Variants in CNOT4 observed in about 807,000 individuals in gnomAD.
CNOT4 encodes the protein CCR4-associated factor 4.
In CNOT4, 8 loss-of-function variants were observed where a neutral mutation model predicts 73.8. The observed-to-expected ratio is 0.11, with a 90% CI of 0.06 to 0.20. The LOEUF (loss-of-function observed/expected upper bound fraction) is 0.20, where lower values mean the gene tolerates loss of function less well. Among genes scored for constraint, CNOT4 ranks in the 10% least tolerant of loss-of-function variants. The pLI is 1.00. For synonymous variants in CNOT4, 293 were observed against 321.1 expected (o/e 0.91, Z 0.94); for missense variants, 564 against 883.4 (o/e 0.64, Z 4.58).
chr7:135,419,888 CAA>C (rs58628282), intron 3 of CNOT4, among the ~76,000 whole-genome samples: 3 of 134,400 alleles, frequency 2.2e-5, no homozygotes, highest in African/African-American at 2.7e-5. Context: ...ACTAAAAATC[CAA>C]AAAAAAAAAA....
At chr7:135,486,999 T>C (rs926022770) in intron 1 of CNOT4, among the ~76,000 whole-genome samples, 3 of 152,158 alleles carry the variant, frequency 2.0e-5, no homozygotes, top group African/African-American at 7.2e-5. Flanking sequence ...AAGATTATCC[T>C]TCCATTAAGC....
rs777294687 is a variant in CNOT4, at chr7:135,379,592, G to GTA, written c.1627+14324_1627+14325dup. Among the ~76,000 whole-genome samples the GTA allele has an allele frequency of 4.2e-4, 64 of 151,984 alleles. 2 individuals carry two copies. In the Middle Eastern group the frequency reaches 0.02, roughly 48 times the overall value. On this transcript the variant is annotated intron_variant, in intron 10 of 11. Transcript: ENST00000541284. ...TATGTGTATATATATATGTGTGTGT[G>GTA]TATATATATATCAGCCATCCATAAT...
intron 1 of CNOT4, among the ~76,000 whole-genome samples, chr7:135,454,459 G>T (rs1323832488): frequency 2.0e-5 from 3 of 151,680 alleles, no homozygotes; most frequent in Non-Finnish European, 4.4e-5. Context: ...TTAAAGACCA[G>T]CCTGGGCAAT....
chr7:135,474,707 C>T (rs1249918568), intron 1 of CNOT4, among the ~76,000 whole-genome samples: 1 of 152,054 alleles, frequency 6.6e-6, no homozygotes, highest in Admixed American at 6.6e-5. Flanking sequence ...AATTTCTATA[C>T]AAAATAACTG....
At chr7:135,422,077 G>T in intron 3 of CNOT4, 79 bp downstream of exon 3, 1 of 814,438 alleles carries the variant, frequency 1.2e-6, no homozygotes, top group South Asian at 1.5e-5. Context: ...TCACACAATT[G>T]AGCAGGGTCA....
At chr7:135,493,930 T>C (rs765689987) in intron 1 of CNOT4, among the ~76,000 whole-genome samples, 7 of 152,110 alleles carry the variant, frequency 4.6e-5, no homozygotes, top group Non-Finnish European at 2.9e-5. Flanking sequence ...TAATAAGCGC[T>C]CACGGATAGG....
chr7:135,398,015 G>A (rs1351518531), intron 8 of CNOT4, among the ~76,000 whole-genome samples, 154 bp downstream of exon 8: 2 of 151,960 alleles, frequency 1.3e-5, no homozygotes, highest in African/African-American at 4.8e-5. Context: ...TATTCTGGGG[G>A]GAAAAGGCTA....
chr7:135,463,316 T>G (rs1800991444), intron 1 of CNOT4, among the ~76,000 whole-genome samples: 1 of 152,074 alleles, frequency 6.6e-6, no homozygotes. Context: ...GGCGAGTAGA[T>G]CACCTGAGGT....
chr7:135,501,006 CAG>C (rs1398152638), intron 1 of CNOT4, among the ~76,000 whole-genome samples: 1 of 128,956 alleles, frequency 7.8e-6, no homozygotes, highest in African/African-American at 3.0e-5. Context: ...TTTTTGGAGA[CAG>C]AGTTTCATTC....
intron 1 of CNOT4, among the ~76,000 whole-genome samples, chr7:135,491,347 T>C (rs1314073885): frequency 6.6e-6 from 1 of 152,128 alleles, no homozygotes; most frequent in Non-Finnish European, 1.5e-5. Context: ...ATTCCAATGT[T>C]TAGAGGTAGG....
At chr7:135,375,239 T>A (rs1214475208) in intron 10 of CNOT4, among the ~76,000 whole-genome samples, 2 of 152,172 alleles carry the variant, frequency 1.3e-5, no homozygotes, top group Non-Finnish European at 2.9e-5. Context: ...GTAAAGAGAA[T>A]TAAACTGAGA....
chr7:135,443,206 A>T (rs75493378), intron 1 of CNOT4, among the ~76,000 whole-genome samples: 1 of 141,178 alleles, frequency 7.1e-6, no homozygotes, highest in African/African-American at 2.6e-5. Flanking sequence ...AAAAAAAAAA[A>T]TTAGCTGGGT....
At chr7:135,446,536 A>G (rs1799841688) in intron 1 of CNOT4, among the ~76,000 whole-genome samples, 1 of 152,160 alleles carries the variant, frequency 6.6e-6, no homozygotes, top group Non-Finnish European at 1.5e-5. Context: ...TATTTAATTA[A>G]CCCTTTAATT....
intron 1 of CNOT4, among the ~76,000 whole-genome samples, chr7:135,505,012 G>T (rs1804272215): frequency 6.6e-6 from 1 of 152,046 alleles, no homozygotes; most frequent in Admixed American, 6.5e-5. Context: ...ACTGGTTTTA[G>T]GCATATCCAC....
rs71174523 is a variant in CNOT4, at chr7:135,440,221, T to TAA, written c.-92-1800_-92-1799dup. Among the ~76,000 whole-genome samples the TAA allele has an allele frequency of 9.6e-4, 103 of 107,456 alleles. No individual in the cohort carries two copies. The East Asian group carries it at 0.011, about 12-fold the overall frequency. 70.5% of individuals were successfully genotyped at this position (107,456 alleles called of 152,430 possible). Reference sequence around the variant, plus strand: ...ACAAAGCAGTAAGACACAGACAAGTTAAAAAAAAAAAAAAAAGAGACAAGA... The same window carrying TAA: ...ACAAAGCAGTAAGACACAGACAAGTTAAAAAAAAAAAAAAAAAAGAGACAAGA... On this transcript the variant is annotated intron_variant, in intron 1 of 11. Coordinates refer to ENST00000541284, the MANE Select transcript of CNOT4 (RefSeq NM_001190850.2).
intron 1 of CNOT4, among the ~76,000 whole-genome samples, chr7:135,446,248 C>A (rs1042886920): frequency 1.3e-5 from 2 of 152,038 alleles, no homozygotes; most frequent in Non-Finnish European, 2.9e-5. Context: ...ATAAAGGTTA[C>A]TAGGGGGCTG....
rs573557260 is a variant in CNOT4 at position 135,462,903 on chromosome 7, T to C, written c.-92-24480A>G. On this transcript the variant is annotated intron_variant, in intron 1 of 11. Transcript: ENST00000541284. ...CCTCTTGCAGTTAAGCAACGGATTT[T>C]AAAGGGATTAAATAATGTGATAACC... Among the ~76,000 whole-genome samples, 13 of 152,344 alleles carry C rather than the reference T, an allele frequency of 8.5e-5. No homozygotes were observed. In the South Asian group the frequency reaches 2.5e-3, roughly 29 times the overall value.
At position 135,425,837 on chromosome 7, in the gene CNOT4, C is replaced by T. The variant is rs78956054; in HGVS notation, c.175-3484G>A. 1.6e-4 allele frequency among the ~76,000 whole-genome samples: 24 copies of T among 152,262 alleles called. No individual in the cohort carries two copies. The East Asian group carries it at 4.6e-3, about 29-fold the overall frequency. On this transcript the variant is annotated intron_variant, in intron 2 of 11. Coordinates refer to ENST00000541284, the MANE Select transcript of CNOT4 (RefSeq NM_001190850.2). ...AAAAAGTTCCTCCTCCATTACAATT[C>T]CTTCACTACACACACCACCATATAT...
At position 135,361,838 on chromosome 7, in the gene CNOT4, A is replaced by T. The variant is rs1405323876; in HGVS notation, c.*1047T>A. ...TGTTTTATTTAAGATTTTAGTTTTAATTCTGAAGAAAGAGGTACATTTCCT... is the reference window on the plus strand; with the variant it reads ...TGTTTTATTTAAGATTTTAGTTTTATTTCTGAAGAAAGAGGTACATTTCCT... On this transcript the variant is annotated 3_prime_UTR_variant, in exon 12 of 12. Transcript: ENST00000541284. 2 of 152,660 alleles carry T rather than the reference A, an allele frequency of 1.3e-5. No individual in the cohort carries two copies. The highest frequency in any genetic ancestry group is 2.9e-5 in the Non-Finnish European group (2 of 68,036). The allele number at this position is 152,660 out of a possible 1,614,324, so 9.5% of individuals were successfully genotyped here.
Sources: allele counts gnomAD v4.1 joint callset (sites outside exome capture counted in the v4.1 genomes callset), GRCh38; gene constraint gnomAD v4.1.1; transcripts MANE v1.5; gene names NCBI Gene and HGNC (gene_info 2026-07-23, HGNC 2026-07-21).